The following SYNPR variants were observed in gnomAD, a reference collection of about 807,000 sequenced individuals.
SYNPR encodes synaptoporin.
Under a neutral mutation model 32.9 loss-of-function variants are expected in SYNPR, and 23 were observed. That is an observed-to-expected ratio of 0.70 (90% confidence interval 0.50 to 0.99). SYNPR has a LOEUF of 0.99. Among genes scored for constraint, SYNPR ranks in the 50% least tolerant of loss-of-function variants. The pLI, the probability that SYNPR is intolerant of heterozygous loss-of-function variation, is 0.00. For synonymous variants in SYNPR, 146 were observed against 135.9 expected (o/e 1.07, Z -0.52); for missense variants, 318 against 349.3 (o/e 0.91, Z 0.71).
the SYNPR span, among the ~76,000 whole-genome samples, chr3:63,204,087 C>G: frequency 6.6e-6 from 1 of 152,192 alleles, no homozygotes; most frequent in Non-Finnish European, 1.5e-5. Context: ...CTTGTGGGGC[C>G]TGGCCTGCTC....
chr3:63,564,179 G>T (rs962242549), intron 4 of SYNPR, among the ~76,000 whole-genome samples: 1 of 148,318 alleles, frequency 6.7e-6, no homozygotes. Context: ...GGTGGGTGGG[G>T]TGTGTGTGTG....
At chr3:63,583,584 A>T (rs1703129980) in intron 4 of SYNPR, among the ~76,000 whole-genome samples, 1 of 152,094 alleles carries the variant, frequency 6.6e-6, no homozygotes. Context: ...GTAGCTAACA[A>T]GGTGCCAGTT....
chr3:63,315,514 T>C (rs1027936840), intron 2 of SYNPR, among the ~76,000 whole-genome samples: 2 of 152,016 alleles, frequency 1.3e-5, no homozygotes, highest in African/African-American at 4.8e-5. Context: ...TAAAAGGGGT[T>C]GAGTTCTTGA....
chr3:63,432,072 G>A (rs1041439337), intron 2 of SYNPR, among the ~76,000 whole-genome samples: 1 of 152,096 alleles, frequency 6.6e-6, no homozygotes, highest in African/African-American at 2.4e-5. Flanking sequence ...GGAGTTGGAG[G>A]ATAAATTCAC....
intron 2 of SYNPR, among the ~76,000 whole-genome samples, chr3:63,449,961 G>A (rs1285749541): frequency 6.6e-6 from 1 of 152,090 alleles, no homozygotes; most frequent in African/African-American, 2.4e-5. Context: ...ACACTCACAT[G>A]TCCTGGCTTA....
intron 3 of SYNPR, among the ~76,000 whole-genome samples, chr3:63,532,198 C>T (rs1702124917): frequency 6.6e-6 from 1 of 152,182 alleles, no homozygotes; most frequent in African/African-American, 2.4e-5. Context: ...AAAACTGGAA[C>T]TTTCAAAAAT....
chr3:63,545,042 T>C (rs1320795285), intron 3 of SYNPR, among the ~76,000 whole-genome samples: 2 of 144,886 alleles, frequency 1.4e-5, no homozygotes, highest in South Asian at 2.2e-4. Flanking sequence ...AAAAAAAACA[T>C]GTGAAAGGGT....
At chr3:63,505,070 A>T (rs1701561739) in intron 3 of SYNPR, among the ~76,000 whole-genome samples, 1 of 152,158 alleles carries the variant, frequency 6.6e-6, no homozygotes, top group Admixed American at 6.6e-5. Context: ...TATGGAGCAT[A>T]CTGTCAGTGA....
chr3:63,551,919 C>T lies in SYNPR; in HGVS notation c.210-4624C>T, dbSNP rs139373890. Among the ~76,000 whole-genome samples, 1,012 of 144,346 alleles carry T rather than the reference C, an allele frequency of 7.0e-3. 34 individuals carry two copies. In the East Asian group the frequency reaches 0.087, roughly 12 times the overall value. 94.7% of individuals were successfully genotyped at this position (144,346 alleles called of 152,430 possible). Reference sequence around the variant, plus strand: ...TATTTATTTATTTATTTATTTGAGACGGAGCTTGGCTCTTGTTGTCCAGGC... The same window carrying T: ...TATTTATTTATTTATTTATTTGAGATGGAGCTTGGCTCTTGTTGTCCAGGC... On this transcript the variant is annotated intron_variant, in intron 3 of 5. Coordinates refer to ENST00000478300, the MANE Select transcript of SYNPR (RefSeq NM_001130003.2).
At chr3:63,416,636 T>G (rs1378965388) in intron 2 of SYNPR, among the ~76,000 whole-genome samples, 1 of 151,134 alleles carries the variant, frequency 6.6e-6, no homozygotes, top group East Asian at 1.9e-4. Context: ...CACCCAAGAC[T>G]GTAATTTATA....
chr3:63,474,973 T>A (rs917130039), intron 2 of SYNPR, among the ~76,000 whole-genome samples: 1 of 152,164 alleles, frequency 6.6e-6, no homozygotes, highest in Non-Finnish European at 1.5e-5. Flanking sequence ...ACCAGAAGGA[T>A]TAATATCACC....
At chr3:63,253,766 T>A (rs1455449509) in intron 2 of SYNPR, among the ~76,000 whole-genome samples, 1 of 152,188 alleles carries the variant, frequency 6.6e-6, no homozygotes, top group African/African-American at 2.4e-5. Context: ...TGGCGATTCC[T>A]CAGGGATCTA....
rs1214801163 is a variant in SYNPR at position 63,256,863 on chromosome 3, G to T, written n.154+4277G>T. ...GGCTAACTAGAATAACCAATGCAGA[G>T]AAGTCCTTAAAGGACCTGATGGAGC... is the stretch of plus-strand genomic sequence containing the variant. On this transcript the variant is annotated intron_variant and non_coding_transcript_variant, in intron 2 of 4. Transcript: ENST00000478456. 2.0e-5 allele frequency among the ~76,000 whole-genome samples: 3 copies of T among 152,142 alleles called. No individual in the cohort carries two copies. The East Asian group carries it at 5.8e-4, about 29-fold the overall frequency.
In SYNPR at chr3:63,239,625, G is replaced by A. The variant is rs561271718; in HGVS notation, n.66+11245G>A. Among the ~76,000 whole-genome samples the A allele has an allele frequency of 6.6e-5, 10 of 151,134 alleles. 1 individual carries two copies. In the South Asian group the frequency reaches 1.3e-3, roughly 19 times the overall value. ...GTCACCCATACTATCATTGTCAAGT[G>A]TATCACACACCCATCCTACCATTGT... On this transcript the variant is annotated intron_variant and non_coding_transcript_variant, in intron 1 of 4. Coordinates refer to the SYNPR transcript ENST00000478456.
At chr3:63,434,636 A>C (rs576352864) in intron 2 of SYNPR, among the ~76,000 whole-genome samples, 1 of 152,306 alleles carries the variant, frequency 6.6e-6, no homozygotes, top group South Asian at 2.1e-4. Flanking sequence ...GACCTCAGGG[A>C]TTCTTTCTGA....
At chr3:63,331,504 G>T (rs2087229207) in intron 2 of SYNPR, among the ~76,000 whole-genome samples, 1 of 152,092 alleles carries the variant, frequency 6.6e-6, no homozygotes, top group Admixed American at 6.5e-5. Flanking sequence ...AGGAAGAGTA[G>T]TAATATACCA....
chr3:63,331,723 T>C (rs2087232019), intron 2 of SYNPR, among the ~76,000 whole-genome samples: 1 of 152,198 alleles, frequency 6.6e-6, no homozygotes, highest in African/African-American at 2.4e-5. Flanking sequence ...CTGCTGTTAG[T>C]ACACTCTCCC....
intron 3 of SYNPR, among the ~76,000 whole-genome samples, chr3:63,502,183 G>C (rs1701493898): frequency 6.6e-6 from 1 of 151,766 alleles, no homozygotes; most frequent in Non-Finnish European, 1.5e-5. Context: ...CCCATTAGTG[G>C]CTTGCATTCT....
intron 1 of SYNPR, among the ~76,000 whole-genome samples, chr3:63,250,000 C>A (rs1259662386): frequency 6.6e-6 from 1 of 152,144 alleles, no homozygotes; most frequent in African/African-American, 2.4e-5. Context: ...TACCTGCAAC[C>A]ATGGATTAAA....
Sources: allele counts gnomAD v4.1 joint callset (sites outside exome capture counted in the v4.1 genomes callset), GRCh38; gene constraint gnomAD v4.1.1; transcripts MANE v1.5; gene names NCBI Gene and HGNC (gene_info 2026-07-23, HGNC 2026-07-21).